FAT3: variants seen among roughly 807,000 people sequenced by gnomAD.
FAT3 encodes the protein FAT atypical cadherin 3.
FAT3 carries 95 observed loss-of-function variants against 310.2 expected under a neutral mutation model. That is an observed-to-expected ratio of 0.31 (90% CI 0.26 to 0.36). The LOEUF is 0.36. Among genes scored for constraint, FAT3 ranks in the 10% least tolerant of loss-of-function variants. The pLI is 1.00. For missense variants in FAT3, 5,408 were observed against 5,715.6 expected (o/e 0.95, Z 1.74); for synonymous variants, 2,314 against 2,192.9 (o/e 1.06, Z -1.54).
intron 3 of FAT3, among the ~76,000 whole-genome samples, chr11:92,558,599 C>A (rs1955104109): frequency 6.6e-6 from 1 of 152,162 alleles, no homozygotes; most frequent in Admixed American, 6.6e-5. Context: ...TCATACTACT[C>A]AGCAGGGGTA....
chr11:92,555,817 A>G (rs1954997161), intron 3 of FAT3, among the ~76,000 whole-genome samples: 1 of 152,262 alleles, frequency 6.6e-6, no homozygotes, highest in South Asian at 2.1e-4. Context: ...AAACACACAT[A>G]AAATTACCAC....
intron 4 of FAT3, among the ~76,000 whole-genome samples, chr11:92,744,490 A>T (rs1190324073): frequency 6.6e-6 from 1 of 152,346 alleles, no homozygotes; most frequent in African/African-American, 2.4e-5. Context: ...ATTTACAATA[A>T]GAAATATACT....
chr11:92,601,767 C>T (rs992211514), intron 3 of FAT3, among the ~76,000 whole-genome samples: 1 of 152,152 alleles, frequency 6.6e-6, no homozygotes, highest in Non-Finnish European at 1.5e-5. Context: ...GTCTACTTCT[C>T]CGTTTGTCCT....
At chr11:92,712,284 C>G (rs1477357144) in intron 4 of FAT3, among the ~76,000 whole-genome samples, 1 of 151,862 alleles carries the variant, frequency 6.6e-6, no homozygotes, top group African/African-American at 2.4e-5. Context: ...CAACTTGGAG[C>G]TATTAAGAAA....
chr11:92,764,425 A>T (rs1366445811), intron 5 of FAT3, among the ~76,000 whole-genome samples: 4 of 152,116 alleles, frequency 2.6e-5, no homozygotes, highest in African/African-American at 9.7e-5. Context: ...ACAACCACAC[A>T]CATACACATG....
At chr11:92,392,202 A>G (rs2134817867) in intron 2 of FAT3, among the ~76,000 whole-genome samples, 1 of 152,178 alleles carries the variant, frequency 6.6e-6, no homozygotes, top group South Asian at 2.1e-4. Context: ...AACCATGCTT[A>G]TTTTCCAGAA....
chr11:92,879,557 T>C (rs1010288541), intron 22 of FAT3, among the ~76,000 whole-genome samples: 7 of 152,220 alleles, frequency 4.6e-5, no homozygotes, highest in Non-Finnish European at 5.9e-5. Flanking sequence ...TATGCATGAA[T>C]ATAAAAATAC....
intron 3 of FAT3, among the ~76,000 whole-genome samples, chr11:92,639,732 C>T (rs1336028788): frequency 3.3e-5 from 5 of 152,188 alleles, no homozygotes; most frequent in Non-Finnish European, 7.3e-5. Flanking sequence ...TCATCCTTTA[C>T]TAGTCAGTGG....
intron 4 of FAT3, among the ~76,000 whole-genome samples, chr11:92,730,940 G>A (rs1453901072): frequency 1.3e-5 from 2 of 152,094 alleles, no homozygotes; most frequent in African/African-American, 4.8e-5. Flanking sequence ...GAGCAGAGCA[G>A]GTTCTTTCCA....
intron 2 of FAT3, among the ~76,000 whole-genome samples, chr11:92,414,732 C>A (rs778163303): frequency 6.6e-6 from 1 of 152,158 alleles, no homozygotes; most frequent in Non-Finnish European, 1.5e-5. Context: ...AAGAATAGGC[C>A]GGGCGTGGTG....
intron 2 of FAT3, among the ~76,000 whole-genome samples, chr11:92,490,983 G>A (rs375467121): frequency 5.3e-5 from 8 of 152,030 alleles, no homozygotes; most frequent in African/African-American, 9.6e-5. Context: ...CCTTGACCTC[G>A]GTGGCATAAT....
chr11:92,337,977 C>T (rs763895726), intron 1 of FAT3, among the ~76,000 whole-genome samples: 1 of 151,496 alleles, frequency 6.6e-6, no homozygotes, highest in Non-Finnish European at 1.5e-5. Context: ...TTTTAAAAAA[C>T]GAGGAAATAG....
chr11:92,421,535 T>G (rs1367090780), intron 2 of FAT3, among the ~76,000 whole-genome samples: 1 of 152,220 alleles, frequency 6.6e-6, no homozygotes, highest in Non-Finnish European at 1.5e-5. Context: ...AATTGAGCAA[T>G]TGTGTGCTTA....
chr11:92,689,880 T>A (rs961967002), intron 3 of FAT3, among the ~76,000 whole-genome samples: 5 of 152,178 alleles, frequency 3.3e-5, no homozygotes, highest in Non-Finnish European at 7.3e-5. Context: ...TGGCCCCACC[T>A]TACCCTTCAC....
Position 92,855,251 on chromosome 11 carries a change from A to G in FAT3, c.11366-1963A>G, listed in dbSNP as rs180798859. Among the ~76,000 whole-genome samples the G allele has an allele frequency of 1.1e-4, 17 of 152,328 alleles. No homozygotes were observed. In the East Asian group the frequency reaches 2.7e-3, roughly 24 times the overall value. On this transcript the variant is annotated intron_variant, in intron 19 of 27. Transcript: ENST00000525166. ...ATTAAGGCAGGCCTGAGGTTAAGCT[A>G]CTAGCTGTGGTTAGCTCGTTCCTTT...
At position 92,352,952 on chromosome 11, in the gene FAT3, A is replaced by G; in HGVS notation, c.840A>G (p.Pro280=). Residue 280 remains proline, a synonymous_variant, in exon 2 of 28, where the codon CCA becomes CCG. Transcript: ENST00000525166. ...TTCCTTTCTCGTTGGAAAAAGAGCC[A>G]ACATATGCAGTGGTGACAGTTGATG... The part of the protein sequence containing the change: ...THVPFSLEKE[P]TYAVVTVDDL... The G allele has an allele frequency of 1.2e-6, 2 of 1,613,916 alleles. No individual in the cohort carries two copies. The highest frequency in any genetic ancestry group is 1.7e-6 in the Non-Finnish European group (2 of 1,179,866).
intron 2 of FAT3, among the ~76,000 whole-genome samples, chr11:92,383,762 A>G (rs1193266273): frequency 6.6e-6 from 1 of 152,202 alleles, no homozygotes; most frequent in East Asian, 1.9e-4. Flanking sequence ...GCTGACATCC[A>G]GATATGCCAG....
chr11:92,653,655 T>G (rs955434612), intron 3 of FAT3, among the ~76,000 whole-genome samples: 6 of 152,212 alleles, frequency 3.9e-5, no homozygotes, highest in African/African-American at 1.4e-4. Flanking sequence ...CAATAGAGCT[T>G]AAATCATTAC....
chr11:92,345,832 C>T (rs1178966647), intron 1 of FAT3, among the ~76,000 whole-genome samples: 4 of 152,156 alleles, frequency 2.6e-5, no homozygotes, highest in Non-Finnish European at 4.4e-5. Context: ...GTTCAAATCA[C>T]ATAACCTGTC....
Sources: allele counts gnomAD v4.1 joint callset (sites outside exome capture counted in the v4.1 genomes callset), GRCh38; gene constraint gnomAD v4.1.1; transcripts MANE v1.5; gene names NCBI Gene and HGNC (gene_info 2026-07-23, HGNC 2026-07-21).